The following CCM2 variants were observed in gnomAD, a reference collection of about 807,000 sequenced individuals.
The protein encoded by CCM2 is CCM2 scaffold protein, also known as cerebral cavernous malformations 2 protein.
CCM2 carries 25 observed loss-of-function variants against 44.9 expected under a neutral mutation model. The observed-to-expected ratio is 0.56, with a 90% confidence interval of 0.41 to 0.78. The LOEUF (loss-of-function observed/expected upper bound fraction) is 0.78, where lower values mean the gene tolerates loss of function less well. Among genes scored for constraint, CCM2 ranks in the 30% least tolerant of loss-of-function variants. The probability of loss-of-function intolerance (pLI) is 0.00; values close to 1 mark genes in which losing one functional copy is unlikely to be tolerated. For synonymous variants in CCM2, 219 were observed against 241.1 expected (o/e 0.91, Z 0.85); for missense variants, 481 against 580.6 (o/e 0.83, Z 1.76).
chr7:45,027,773 C>G, intron 1 of CCM2: 1 of 1,614,164 alleles, frequency 6.2e-7, no homozygotes, highest in Non-Finnish European at 8.5e-7. Flanking sequence ...CAGAATTTCA[C>G]ACAGGGTATT....
intron 1 of CCM2, among the ~76,000 whole-genome samples, chr7:45,036,331 GAAAT>G (rs1249210027): frequency 6.6e-6 from 1 of 152,218 alleles, no homozygotes; most frequent in Non-Finnish European, 1.5e-5. Context: ...ATGAAAGGGT[GAAAT>G]AAATAAAGGT....
At chr7:45,061,297 T>C (rs1798506378) in intron 2 of CCM2, among the ~76,000 whole-genome samples, 1 of 152,082 alleles carries the variant, frequency 6.6e-6, no homozygotes, top group Non-Finnish European at 1.5e-5. Context: ...TTTTGTTTTT[T>C]TCCTCCCCCT....
chr7:45,011,199 A>T (rs1031175571), intron 1 of CCM2, among the ~76,000 whole-genome samples: 1 of 145,908 alleles, frequency 6.9e-6, no homozygotes. Context: ...GCCCAGCTAA[A>T]TTTTTTTTTT....
chr7:45,016,752 C>T (rs1393274405), intron 1 of CCM2, among the ~76,000 whole-genome samples: 1 of 152,086 alleles, frequency 6.6e-6, no homozygotes, highest in Non-Finnish European at 1.5e-5. Flanking sequence ...CCTGCCTCAG[C>T]CTCCCAAGTA....
At chr7:45,019,556 T>A (rs1796399782) in intron 1 of CCM2, among the ~76,000 whole-genome samples, 1 of 152,158 alleles carries the variant, frequency 6.6e-6, no homozygotes, top group Admixed American at 6.5e-5. Flanking sequence ...TCCAAACTCT[T>A]ATCTACCCTG....
chr7:45,012,604 G>A (rs541500538), intron 1 of CCM2, among the ~76,000 whole-genome samples: 127 of 152,184 alleles, frequency 8.3e-4, no homozygotes, highest in Middle Eastern at 3.4e-3. Flanking sequence ...CGCCGAGGCT[G>A]GAGAGCAGTA....
intron 1 of CCM2, among the ~76,000 whole-genome samples, chr7:45,030,623 C>G (rs1442210365): frequency 1.3e-5 from 2 of 152,142 alleles, no homozygotes; most frequent in Non-Finnish European, 2.9e-5. Context: ...CTATGTTGTC[C>G]AGGCTGGTCT....
At chr7:45,053,510 T>C (rs1249323037) in intron 2 of CCM2, among the ~76,000 whole-genome samples, 1 of 152,184 alleles carries the variant, frequency 6.6e-6, no homozygotes, top group African/African-American at 2.4e-5. Flanking sequence ...CTGTGAGCCG[T>C]CTCCATAGAT....
chr7:45,045,000 T>C (rs1797684602), intron 2 of CCM2, among the ~76,000 whole-genome samples: 1 of 152,244 alleles, frequency 6.6e-6, no homozygotes, highest in South Asian at 2.1e-4. Flanking sequence ...GAAGGTATAA[T>C]AGAAATTGGT....
At chr7:45,049,070 C>G (rs773655362) in intron 2 of CCM2, among the ~76,000 whole-genome samples, 1 of 152,184 alleles carries the variant, frequency 6.6e-6, no homozygotes, top group Non-Finnish European at 1.5e-5. Flanking sequence ...GATCCTCTCA[C>G]CTCAGCTTCC....
At chr7:45,026,743 C>T (rs1796707080) in intron 1 of CCM2, among the ~76,000 whole-genome samples, 1 of 151,714 alleles carries the variant, frequency 6.6e-6, no homozygotes, top group Non-Finnish European at 1.5e-5. Flanking sequence ...GCTGGGATAA[C>T]AGGTGCCCAT....
At chr7:45,011,896 T>G (rs1039962882) in intron 1 of CCM2, among the ~76,000 whole-genome samples, 4 of 152,116 alleles carry the variant, frequency 2.6e-5, no homozygotes, top group African/African-American at 4.8e-5. Context: ...ATCAGTATTT[T>G]AGTATGTTGT....
At chr7:45,055,984 G>A (rs1407018683) in intron 2 of CCM2, among the ~76,000 whole-genome samples, 3 of 152,186 alleles carry the variant, frequency 2.0e-5, no homozygotes, top group Admixed American at 6.5e-5. Context: ...TGCCCTCAAG[G>A]TTCTTCCATG....
chr7:45,068,645 A>C (rs1583980983), intron 5 of CCM2, 66 bp downstream of exon 5: 5 of 1,592,450 alleles, frequency 3.1e-6, no homozygotes. Context: ...GGCCAGCCCC[A>C]CCCTGGCCAC....
intron 1 of CCM2, among the ~76,000 whole-genome samples, chr7:45,014,337 CA>C (rs1796177329): frequency 1.3e-5 from 2 of 152,096 alleles, no homozygotes; most frequent in South Asian, 4.1e-4. Context: ...GACAGGGTTT[CA>C]CCATTTTGGC....
rs538316188 is a variant in CCM2 at position 45,003,303 on chromosome 7, G to A, written c.30+2940G>A. Among the ~76,000 whole-genome samples the A allele has an allele frequency of 1.2e-3, 180 of 151,808 alleles. 1 individual carries two copies. Among genetic ancestry groups the A allele is most frequent in the African/African-American group, 4.0e-3 (165 of 41,412 alleles). ...GTTGGTCAGGCTAGTCTCAAACTCC[G>A]GATCTCAGGTGATCCACCCACCTTG... On this transcript the variant is annotated intron_variant, in intron 1 of 9. Transcript: ENST00000258781.
chr7:45,071,948 C>A, intron 6 of CCM2: 1 of 440,168 alleles, frequency 2.3e-6, no homozygotes, highest in Middle Eastern at 3.3e-4. Flanking sequence ...AGGATGTGGA[C>A]GTCTTTGGGG....
intron 2 of CCM2, among the ~76,000 whole-genome samples, chr7:45,041,269 A>C (rs912032213): frequency 2.0e-5 from 3 of 152,382 alleles, no homozygotes; most frequent in African/African-American, 7.2e-5. Flanking sequence ...TAAATCATTA[A>C]AAATGAAAAC....
intron 2 of CCM2, among the ~76,000 whole-genome samples, chr7:45,038,638 G>C (rs1797340255): frequency 6.6e-6 from 1 of 152,160 alleles, no homozygotes; most frequent in Non-Finnish European, 1.5e-5. Flanking sequence ...ATTTTTTTCT[G>C]TAGTAGCAAT....
Sources: allele counts gnomAD v4.1 joint callset (sites outside exome capture counted in the v4.1 genomes callset), GRCh38; gene constraint gnomAD v4.1.1; transcripts MANE v1.5; gene names NCBI Gene and HGNC (gene_info 2026-07-23, HGNC 2026-07-21).